The following ATP6V0D2 variants were observed in gnomAD, a reference collection of about 807,000 sequenced individuals.
ATP6V0D2 encodes ATPase H+ transporting V0 subunit d2.
Under a neutral mutation model 40.0 loss-of-function variants are expected in ATP6V0D2, and 40 were observed. The ratio of observed to expected loss-of-function variants is 1.00; its 90% CI spans 0.78 to 1.30. ATP6V0D2 has a LOEUF of 1.30. Among genes scored for constraint, ATP6V0D2 ranks in the 50% most tolerant of loss-of-function variants. The probability of loss-of-function intolerance (pLI) is 0.00; values close to 1 mark genes in which losing one functional copy is unlikely to be tolerated. For missense variants in ATP6V0D2, 470 were observed against 423.1 expected (o/e 1.11, Z -0.97); for synonymous variants, 179 against 156.3 (o/e 1.15, Z -1.08).
chr8:86,145,298 AAAG>A (rs1563566261), intron 5 of ATP6V0D2, among the ~76,000 whole-genome samples: 42 of 108,374 alleles, frequency 3.9e-4, no homozygotes, highest in East Asian at 9.1e-4. Flanking sequence ...AGAAAGAAAG[AAAG>A]AAAGAAAGAA....
chr8:86,141,592 C>G, intron 4 of ATP6V0D2, 63 bp downstream of exon 4: 4 of 1,197,466 alleles, frequency 3.3e-6, no homozygotes, highest in Non-Finnish European at 3.5e-6. Flanking sequence ...CTAGAGTTCT[C>G]TATTAAAACT....
chr8:86,133,601 G>A (rs1399807339), intron 2 of ATP6V0D2, among the ~76,000 whole-genome samples: 1 of 151,918 alleles, frequency 6.6e-6, no homozygotes, highest in Admixed American at 6.6e-5. Context: ...GATTACAGGC[G>A]TGATTCACCG....
chr8:86,145,313 A>AAAG (rs1563566289), intron 5 of ATP6V0D2, among the ~76,000 whole-genome samples: 15 of 76,476 alleles, frequency 2.0e-4, no homozygotes, highest in Non-Finnish European at 2.8e-4. Context: ...AAGAAAGAAA[A>AAAG]GAAAGAAGGA....
At chr8:86,101,462 GAAAAAAAA>G (rs59915079) in intron 1 of ATP6V0D2, among the ~76,000 whole-genome samples, 3 of 78,204 alleles carry the variant, frequency 3.8e-5, no homozygotes, top group African/African-American at 8.9e-5. Context: ...CCTGTCTCAG[GAAAAAAAA>G]AAAAAAAAAA....
intron 2 of ATP6V0D2, among the ~76,000 whole-genome samples, chr8:86,132,673 C>A (rs1005851883): frequency 5.3e-5 from 8 of 152,078 alleles, no homozygotes; most frequent in Non-Finnish European, 1.0e-4. Context: ...CTTTTTATGG[C>A]AGAATAGTAT....
intron 5 of ATP6V0D2, among the ~76,000 whole-genome samples, chr8:86,145,207 GAAA>G (rs1819035395): frequency 1.1e-4 from 2 of 18,122 alleles, no homozygotes; most frequent in East Asian, 1.1e-3. Context: ...AAGAAAGAAA[GAAA>G]GAAAGAAAGA....
intron 2 of ATP6V0D2, among the ~76,000 whole-genome samples, chr8:86,138,922 T>C (rs2130270503): frequency 6.6e-6 from 1 of 152,360 alleles, no homozygotes; most frequent in East Asian, 1.9e-4. Context: ...TGTTAGAATA[T>C]TGAATATGCT....
At chr8:86,139,875 C>T (rs1324917021) in intron 3 of ATP6V0D2, among the ~76,000 whole-genome samples, 1 of 152,212 alleles carries the variant, frequency 6.6e-6, no homozygotes, top group Non-Finnish European at 1.5e-5. Flanking sequence ...GCTCAGATCA[C>T]ATGTGAACCA....
intron 1 of ATP6V0D2, among the ~76,000 whole-genome samples, chr8:86,112,513 A>T (rs1818538634): frequency 6.6e-6 from 1 of 152,128 alleles, no homozygotes; most frequent in Non-Finnish European, 1.5e-5. Flanking sequence ...TTACCTCATA[A>T]AATTGCCATG....
chr8:86,144,526 C>G (rs145840426), intron 5 of ATP6V0D2, among the ~76,000 whole-genome samples: 166 of 152,248 alleles, frequency 1.1e-3, no homozygotes, highest in African/African-American at 3.8e-3. Flanking sequence ...TGCTCTGAAA[C>G]TGCATATGAT....
intron 6 of ATP6V0D2, among the ~76,000 whole-genome samples, chr8:86,150,700 C>A (rs1478903877): frequency 6.6e-6 from 1 of 152,084 alleles, no homozygotes; most frequent in Non-Finnish European, 1.5e-5. Flanking sequence ...AGGTGGACGG[C>A]AAGGAACAAT....
In ATP6V0D2 at chr8:86,098,949, C is replaced by A. The variant is rs775323944; in HGVS notation, c.-30C>A. 4 of 1,609,180 alleles carry A rather than the reference C, an allele frequency of 2.5e-6. 1 individual carries two copies. The South Asian group carries it at 4.4e-5, about 18-fold the overall frequency. On this transcript the variant is annotated 5_prime_UTR_variant, in exon 1 of 8. Transcript: ENST00000285393. ...GCCGTCCAGGACTACAGAGCTGTTTCACCCTACCTTGGCTTCAATCTCTTC... is the reference window on the plus strand; with the variant it reads ...GCCGTCCAGGACTACAGAGCTGTTTAACCCTACCTTGGCTTCAATCTCTTC...
At chr8:86,129,834 A>T (rs1818794455) in intron 2 of ATP6V0D2, among the ~76,000 whole-genome samples, 1 of 150,878 alleles carries the variant, frequency 6.6e-6, no homozygotes, top group Non-Finnish European at 1.5e-5. Flanking sequence ...AAAATTGACC[A>T]GGCATGATGG....
intron 1 of ATP6V0D2, among the ~76,000 whole-genome samples, chr8:86,107,421 T>A (rs1369467130): frequency 6.6e-6 from 1 of 152,322 alleles, no homozygotes; most frequent in Non-Finnish European, 1.5e-5. Context: ...ATCCTGACGC[T>A]AACACTGAAT....
intron 2 of ATP6V0D2, among the ~76,000 whole-genome samples, chr8:86,121,319 C>CA (rs1361489858): frequency 6.6e-6 from 1 of 152,156 alleles, no homozygotes; most frequent in Non-Finnish European, 1.5e-5. Context: ...CCTGTAATCC[C>CA]AGTACTTTGG....
chr8:86,101,289 T>C (rs1020404542), intron 1 of ATP6V0D2, among the ~76,000 whole-genome samples: 14 of 151,486 alleles, frequency 9.2e-5, no homozygotes, highest in African/African-American at 3.2e-4. Flanking sequence ...CAAGACCTCG[T>C]CTCTACTAAA....
intron 2 of ATP6V0D2, among the ~76,000 whole-genome samples, chr8:86,119,421 G>A (rs1478452579): frequency 6.6e-6 from 1 of 151,826 alleles, no homozygotes; most frequent in African/African-American, 2.4e-5. Context: ...TAGAGATGAG[G>A]TTTCGCCATG....
chr8:86,153,227 T>G lies in ATP6V0D2; in HGVS notation c.*250T>G. On this transcript the variant is annotated 3_prime_UTR_variant, in exon 8 of 8. Transcript: ENST00000285393. ...ACTGGGCCTTACAGGTTAGTTTTAA[T>G]TAACTCTATGGTATTTTTCTTATTC... The G allele has an allele frequency of 3.7e-6, 1 of 271,486 alleles. No homozygotes were observed. 16.8% of individuals were successfully genotyped at this position (271,486 alleles called of 1,614,324 possible).
chr8:86,150,481 T>C (rs1395459446), intron 6 of ATP6V0D2, among the ~76,000 whole-genome samples, 193 bp downstream of exon 6: 2 of 151,398 alleles, frequency 1.3e-5, no homozygotes, highest in Admixed American at 6.6e-5. Flanking sequence ...TGCTAATTTT[T>C]AAAGTTCCTG....
Sources: gnomAD v4.1 joint callset for allele counts (sites outside exome capture counted in the v4.1 genomes callset) on GRCh38, gnomAD v4.1.1 for gene constraint, MANE v1.5 for transcripts, NCBI Gene and HGNC (gene_info 2026-07-23, HGNC 2026-07-21) for gene names.